HEG1: variants seen among roughly 807,000 people sequenced by gnomAD.
HEG1 encodes heart development protein with EGF like domains 1, also known as protein HEG homolog 1.
Under a neutral mutation model 125.6 loss-of-function variants are expected in HEG1, and 56 were observed. The ratio of observed to expected loss-of-function variants is 0.45; its 90% CI spans 0.36 to 0.56. The LOEUF is 0.56. HEG1 is among the 20% of genes least tolerant of loss of function. HEG1 has a pLI of 0.00. For synonymous variants in HEG1, 644 were observed against 668.5 expected (o/e 0.96, Z 0.57); for missense variants, 1,523 against 1,670.0 (o/e 0.91, Z 1.53).
At chr3:124,977,750 A>G (rs546158390) in intron 15 of HEG1, 109 bp downstream of exon 15, 2 of 598,850 alleles carry the variant, frequency 3.3e-6, no homozygotes, top group African/African-American at 1.9e-5. Flanking sequence ...GTCACACATT[A>G]TGGTTTAATA....
Position 124,968,787 on chromosome 3 carries a change from C to T in HEG1, c.*1865G>A, listed in dbSNP as rs1391641327. ...CAGAACTCTCCAGTTAGGTGCGAGG[C>T]CGTGAGCCACAAAGGGCCATTGGTT... On this transcript the variant is annotated 3_prime_UTR_variant, in exon 17 of 17. Coordinates refer to ENST00000311127, the MANE Select transcript of HEG1 (RefSeq NM_020733.2). 1.3e-5 allele frequency: 2 copies of T among 152,182 alleles called. No homozygotes were observed. The highest frequency in any genetic ancestry group is 2.9e-5 in the Non-Finnish European group (2 of 68,042). 9.4% of individuals were successfully genotyped at this position (152,182 alleles called of 1,614,324 possible).
chr3:124,993,097 G>A (rs548812081), intron 12 of HEG1, among the ~76,000 whole-genome samples: 3 of 152,178 alleles, frequency 2.0e-5, no homozygotes, highest in South Asian at 2.1e-4. Context: ...CTTTATTTTA[G>A]GGACCCTGAC....
chr3:125,012,053 C>A (rs940146076), intron 6 of HEG1, among the ~76,000 whole-genome samples: 2 of 152,102 alleles, frequency 1.3e-5, no homozygotes, highest in African/African-American at 2.4e-5. Flanking sequence ...CTCCCCACTC[C>A]CATTTATCAA....
Position 125,002,009 on chromosome 3 carries a change from C to T in HEG1, c.3360G>A (p.Glu1120=), listed in dbSNP as rs1560021748. ...GCAGTGAGATCACCACCGCGTTGGA[C>T]TCCCTATAGGCAAAGTTTGTGGGTT... ...YIRSTVHASR[E]SNAVVISLQT... Residue 1120 remains glutamate (E), a synonymous_variant, in exon 11 of 17, where the codon GAG becomes GAA. Transcript: ENST00000311127. 6.2e-7 allele frequency: 1 copy of T among 1,613,908 alleles called. No individual in the cohort carries two copies. The highest frequency in any genetic ancestry group is 8.5e-7 in the Non-Finnish European group (1 of 1,179,866).
intron 3 of HEG1, among the ~76,000 whole-genome samples, chr3:125,023,681 C>T (rs995433171): frequency 4.6e-5 from 7 of 152,178 alleles, no homozygotes; most frequent in African/African-American, 1.7e-4. Context: ...AAATGTACCA[C>T]ATTTCTAATC....
chr3:125,029,609 GC>G, intron 1 of HEG1, 121 bp from the exon 2 acceptor site: 1 of 1,012,626 alleles, frequency 9.9e-7, no homozygotes, highest in Non-Finnish European at 1.4e-6. Context: ...AAGAATTTTG[GC>G]CAGGCATGAT....
chr3:124,983,598 G>T (rs921787997), intron 14 of HEG1, among the ~76,000 whole-genome samples: 1 of 151,668 alleles, frequency 6.6e-6, no homozygotes, highest in South Asian at 2.1e-4. Flanking sequence ...GCCTCCTAAA[G>T]TGCTGGGATT....
At chr3:125,012,238 C>T (rs1937167801) in intron 6 of HEG1, among the ~76,000 whole-genome samples, 1 of 151,270 alleles carries the variant, frequency 6.6e-6, no homozygotes, top group East Asian at 1.9e-4. Flanking sequence ...TCCTAAGCTT[C>T]TTTACTTGAG....
At chr3:125,053,564 T>A (rs914091078) in intron 1 of HEG1, among the ~76,000 whole-genome samples, 1 of 152,188 alleles carries the variant, frequency 6.6e-6, no homozygotes, top group Non-Finnish European at 1.5e-5. Flanking sequence ...TTGGGTGGTG[T>A]CTGTGGGGCA....
At chr3:124,980,207 C>T (rs1008083561) in intron 14 of HEG1, among the ~76,000 whole-genome samples, 2 of 152,222 alleles carry the variant, frequency 1.3e-5, no homozygotes, top group African/African-American at 4.8e-5. Flanking sequence ...CCAACGCATC[C>T]ACCTGTGCCC....
intron 14 of HEG1, among the ~76,000 whole-genome samples, chr3:124,986,443 A>G (rs527485432): frequency 4.6e-5 from 7 of 152,310 alleles, no homozygotes; most frequent in South Asian, 2.1e-4. Flanking sequence ...CCAATATGCT[A>G]TCACCATAGA....
chr3:124,972,387 T>C (rs1435818701), intron 16 of HEG1, among the ~76,000 whole-genome samples: 1 of 152,228 alleles, frequency 6.6e-6, no homozygotes, highest in Non-Finnish European at 1.5e-5. Flanking sequence ...GAAATATCAA[T>C]GGGAATATTT....
chr3:125,038,827 G>A (rs1216627587), intron 1 of HEG1, among the ~76,000 whole-genome samples: 3 of 152,198 alleles, frequency 2.0e-5, no homozygotes, highest in East Asian at 1.9e-4. Flanking sequence ...GAAAGGAGAC[G>A]GGATTCCTCA....
intron 15 of HEG1, among the ~76,000 whole-genome samples, chr3:124,976,969 T>C (rs1428125034): frequency 1.3e-5 from 2 of 152,220 alleles, no homozygotes; most frequent in Admixed American, 6.5e-5. Flanking sequence ...GGTTCGGCTA[T>C]GTCCCCATCC....
chr3:124,995,252 T>C (rs935920904), intron 12 of HEG1, among the ~76,000 whole-genome samples: 1 of 151,984 alleles, frequency 6.6e-6, no homozygotes, highest in East Asian at 1.9e-4. Flanking sequence ...TGAGACTTGA[T>C]TGCGCCACTG....
At position 125,009,912 on chromosome 3, in the gene HEG1, A is replaced by G. The variant is rs1579414829; in HGVS notation, c.3074-88T>C. Reference sequence around the variant, plus strand: ...TGTAGTAAGTACTTACTAAGGGCCAAATGGTGCTAGGTGTGGTGAGACCCC... The same window carrying G: ...TGTAGTAAGTACTTACTAAGGGCCAGATGGTGCTAGGTGTGGTGAGACCCC... On this transcript the variant is annotated intron_variant, in intron 7 of 16. Coordinates refer to ENST00000311127, the MANE Select transcript of HEG1 (RefSeq NM_020733.2). The G allele has an allele frequency of 5.8e-6, 8 of 1,377,216 alleles. No individual in the cohort carries two copies. In the East Asian group the frequency reaches 1.8e-4, roughly 30 times the overall value. 85.3% of individuals were successfully genotyped at this position (1,377,216 alleles called of 1,614,324 possible).
In HEG1 at chr3:124,990,788, G is replaced by T; in HGVS notation, c.3732C>A (p.Asn1244Lys). Residue 1244 changes from asparagine (N) to lysine (K), a missense_variant and splice_region_variant, in exon 14 of 17, where the codon AAC (asparagine) becomes AAA (lysine). Coordinates refer to ENST00000311127, the MANE Select transcript of HEG1 (RefSeq NM_020733.2). ...PFGLGGLNCG[N>K]PYQLITVVIA... Reference sequence around the variant, plus strand: ...AATGGTCCACTTTTGTACACTTACGGTTTCCACAGTTGAGACCACCAAGGC... The same window carrying T: ...AATGGTCCACTTTTGTACACTTACGTTTTCCACAGTTGAGACCACCAAGGC... The T allele has an allele frequency of 6.4e-7, 1 of 1,560,988 alleles. No individual in the cohort carries two copies. Among genetic ancestry groups the T allele is most frequent in the South Asian group, 1.2e-5 (1 of 84,616 alleles).
chr3:124,983,617 G>T (rs1312893535), intron 14 of HEG1, among the ~76,000 whole-genome samples: 1 of 151,802 alleles, frequency 6.6e-6, no homozygotes, highest in Non-Finnish European at 1.5e-5. Flanking sequence ...TTACAGGTGT[G>T]AGCCACCGCA....
intron 1 of HEG1, among the ~76,000 whole-genome samples, chr3:125,033,614 G>A (rs1250186986): frequency 6.6e-6 from 1 of 152,148 alleles, no homozygotes; most frequent in African/African-American, 2.4e-5. Context: ...ATGTATTTAC[G>A]AGTGGTCCTG....
Sources: allele counts gnomAD v4.1 joint callset (sites outside exome capture counted in the v4.1 genomes callset), GRCh38; gene constraint gnomAD v4.1.1; transcripts MANE v1.5; gene names NCBI Gene and HGNC (gene_info 2026-07-23, HGNC 2026-07-21).